The following ZFAT variants were observed in gnomAD, a reference collection of about 807,000 sequenced individuals.
The protein encoded by ZFAT is zinc finger protein ZFAT.
ZFAT carries 64 observed loss-of-function variants against 117.7 expected under a neutral mutation model. The observed-to-expected ratio is 0.54, with a 90% CI of 0.44 to 0.67. ZFAT has a LOEUF of 0.67. Among genes scored for constraint, ZFAT ranks in the 30% least tolerant of loss-of-function variants. The pLI, the probability that ZFAT is intolerant of heterozygous loss-of-function variation, is 0.00. For missense variants in ZFAT, 1,433 were observed against 1,584.5 expected (o/e 0.90, Z 1.62); for synonymous variants, 679 against 615.0 (o/e 1.10, Z -1.54).
chr8:134,651,640 G>C (rs1273375032), intron 2 of ZFAT, among the ~76,000 whole-genome samples: 1 of 152,028 alleles, frequency 6.6e-6, no homozygotes, highest in East Asian at 1.9e-4. Context: ...TAAAAGCAAA[G>C]AAAACATAAA....
chr8:134,697,509 C>G (rs1358930898), intron 1 of ZFAT, among the ~76,000 whole-genome samples: 1 of 149,730 alleles, frequency 6.7e-6, no homozygotes, highest in South Asian at 2.1e-4. Flanking sequence ...GGGCGGATCA[C>G]GAAATCAGGA....
chr8:134,572,652 G>A lies in ZFAT; in HGVS notation c.2888-7231C>T, dbSNP rs187308566. Among the ~76,000 whole-genome samples, 76 of 152,244 alleles carry A rather than the reference G, an allele frequency of 5.0e-4. 2 individuals are homozygous for A. The Middle Eastern group carries it at 0.01, about 20-fold the overall frequency. On this transcript the variant is annotated intron_variant, in intron 10 of 15. Transcript: ENST00000377838. ...GAGTAGTCGCTTCTTTTCCTCTTGG[G>A]CAGGATTTAATTTCTGTAAGCAGTC...
intron 1 of ZFAT, among the ~76,000 whole-genome samples, chr8:134,672,252 T>G (rs1832596430): frequency 6.6e-6 from 1 of 152,182 alleles, no homozygotes; most frequent in Admixed American, 6.6e-5. Flanking sequence ...TGGAAAAAAC[T>G]ACTTTAAAGT....
chr8:134,629,554 A>G (rs1366976014), intron 3 of ZFAT, among the ~76,000 whole-genome samples: 1 of 152,100 alleles, frequency 6.6e-6, no homozygotes, highest in East Asian at 1.9e-4. Flanking sequence ...AGGTGATTGG[A>G]TCATGGGGGT....
intron 1 of ZFAT, 102 bp downstream of exon 1, chr8:134,712,743 G>A (rs1171309222): frequency 1.7e-6 from 2 of 1,192,148 alleles, no homozygotes; most frequent in Non-Finnish European, 1.1e-6. Flanking sequence ...GCGGCCGGCG[G>A]CCGGCGCACT....
chr8:134,523,024 C>T (rs1820773237), intron 12 of ZFAT, among the ~76,000 whole-genome samples: 1 of 152,280 alleles, frequency 6.6e-6, no homozygotes, highest in African/African-American at 2.4e-5. Context: ...TTCCAAGACC[C>T]CTTTCTCCTC....
intron 5 of ZFAT, 94 bp downstream of exon 5, chr8:134,608,635 T>C: frequency 6.8e-7 from 1 of 1,464,356 alleles, no homozygotes; most frequent in East Asian, 2.5e-5. Context: ...ATAAGCAGAA[T>C]CCAAACGAAC....
At chr8:134,796,950 T>C in the ZFAT span, 1 of 152,204 alleles carries the variant, frequency 6.6e-6, no homozygotes, top group Admixed American at 6.5e-5. Flanking sequence ...CATAGTCTGG[T>C]CACTGCATTT....
the ZFAT span, among the ~76,000 whole-genome samples, chr8:134,809,204 C>A: frequency 6.6e-6 from 1 of 152,202 alleles, no homozygotes; most frequent in Non-Finnish European, 1.5e-5. Flanking sequence ...TAACCAGCAG[C>A]GTCAGCATGG....
the ZFAT span, among the ~76,000 whole-genome samples, chr8:134,826,031 A>G: frequency 2.0e-4 from 31 of 152,040 alleles, no homozygotes; most frequent in African/African-American, 7.2e-4. Context: ...AAAAAAAAAA[A>G]AAAAGAAAAG....
chr8:134,776,524 T>TTTG, the ZFAT span, among the ~76,000 whole-genome samples: 43 of 152,070 alleles, frequency 2.8e-4, no homozygotes, highest in African/African-American at 6.8e-4. Context: ...GGCTTCGTTT[T>TTTG]TTGTTGTTGT....
rs149917462 is a variant in ZFAT at position 134,488,974 on chromosome 8, T to C, written c.3493-10253A>G. On this transcript the variant is annotated intron_variant, in intron 15 of 15. Coordinates refer to ENST00000377838, the MANE Select transcript of ZFAT (RefSeq NM_020863.4). ...CAGAACAAGATGCAATGAGATTCAG[T>C]AGAGCCAGAGCACAGAACAAGTGGG... Among the ~76,000 whole-genome samples, 290 of 113,092 alleles carry C rather than the reference T, an allele frequency of 2.6e-3. 1 individual carries two copies. The highest frequency in any genetic ancestry group is 0.018 in the South Asian group (60 of 3,252). The allele number at this position is 113,092 out of a possible 152,430, so 74.2% of individuals were successfully genotyped here.
chr8:134,634,702 A>T (rs1044047226), intron 3 of ZFAT, among the ~76,000 whole-genome samples: 1 of 152,202 alleles, frequency 6.6e-6, no homozygotes, highest in Non-Finnish European at 1.5e-5. Context: ...AAAAAACAGA[A>T]TACTTTATGT....
At chr8:134,793,005 G>C in the ZFAT span, 1 of 152,194 alleles carries the variant, frequency 6.6e-6, no homozygotes, top group South Asian at 2.1e-4. Flanking sequence ...CAATTAAATA[G>C]CTGTTTAAAA....
At chr8:134,689,439 G>A (rs760597843) in intron 1 of ZFAT, among the ~76,000 whole-genome samples, 8 of 152,190 alleles carry the variant, frequency 5.3e-5, no homozygotes, top group Non-Finnish European at 1.0e-4. Flanking sequence ...CCAAGAACCT[G>A]CCCTGCATCA....
At chr8:134,579,583 G>A (rs960142667) in intron 10 of ZFAT, among the ~76,000 whole-genome samples, 25 of 152,128 alleles carry the variant, frequency 1.6e-4, no homozygotes, top group South Asian at 8.3e-4. Context: ...AGATTTGGGC[G>A]GAGACACAGC....
At chr8:134,829,769 ACTGCC>A in the ZFAT span, among the ~76,000 whole-genome samples, 1 of 152,182 alleles carries the variant, frequency 6.6e-6, no homozygotes, top group Non-Finnish European at 1.5e-5. Context: ...ACATCACATT[ACTGCC>A]CTTCTTTCTA....
intron 3 of ZFAT, among the ~76,000 whole-genome samples, chr8:134,635,781 TC>T (rs1471063164): frequency 2.0e-5 from 3 of 152,164 alleles, no homozygotes; most frequent in African/African-American, 7.2e-5. Context: ...GGGAGGTCTA[TC>T]CTAATCCTTC....
In ZFAT at chr8:134,637,488, T is replaced by G. The variant is rs1251920021; in HGVS notation, c.421A>C (p.Asn141His). ...GCTTCTCCTTCCTCCTCACCCAAAT[T>G]CAGCACGATAATGCAGATGTGCTTC... ...LRKHICIIVL[N>H]LGEEEGEAGN... Residue 141 changes from asparagine (N) to histidine (H), a missense_variant, in exon 3 of 16, where the codon AAT (asparagine) becomes CAT (histidine). Coordinates refer to ENST00000377838, the MANE Select transcript of ZFAT (RefSeq NM_020863.4). 1 of 1,611,006 alleles carries G rather than the reference T, an allele frequency of 6.2e-7. No homozygotes were observed. Among genetic ancestry groups the G allele is most frequent in the Non-Finnish European group, 8.5e-7 (1 of 1,177,248 alleles).
Sources: gnomAD v4.1 joint callset for allele counts (sites outside exome capture counted in the v4.1 genomes callset) on GRCh38, gnomAD v4.1.1 for gene constraint, MANE v1.5 for transcripts, NCBI Gene and HGNC (gene_info 2026-07-23, HGNC 2026-07-21) for gene names.